Variants in LRRC69 observed in about 807,000 individuals in gnomAD.
LRRC69 encodes leucine-rich repeat-containing protein 69.
Under a neutral mutation model 37.8 loss-of-function variants are expected in LRRC69, and 42 were observed. The observed-to-expected ratio is 1.11, with a 90% CI of 0.87 to 1.44. LRRC69 has a LOEUF of 1.44. Among genes scored for constraint, LRRC69 ranks in the 40% most tolerant of loss-of-function variants. LRRC69 has a pLI of 0.00. For synonymous variants in LRRC69, 141 were observed against 143.1 expected (o/e 0.99, Z 0.11); for missense variants, 357 against 401.9 (o/e 0.89, Z 0.96).
intron 5 of LRRC69, among the ~76,000 whole-genome samples, chr8:91,175,838 G>T (rs1809215050): frequency 6.6e-6 from 1 of 150,734 alleles, no homozygotes; most frequent in Non-Finnish European, 1.5e-5. Flanking sequence ...GAGCAGGGGA[G>T]TGATATAATT....
At chr8:91,204,368 G>C (rs774461059) in intron 7 of LRRC69, among the ~76,000 whole-genome samples, 1 of 152,214 alleles carries the variant, frequency 6.6e-6, no homozygotes, top group Non-Finnish European at 1.5e-5. Flanking sequence ...GTGTAGTACA[G>C]CTAATAGTGA....
chr8:91,172,834 C>G (rs1809156643), intron 5 of LRRC69, among the ~76,000 whole-genome samples: 1 of 151,914 alleles, frequency 6.6e-6, no homozygotes, highest in South Asian at 2.1e-4. Context: ...CATCTATTAG[C>G]CTGAATGGTG....
intron 5 of LRRC69, among the ~76,000 whole-genome samples, chr8:91,147,269 C>CATATAAT (rs1554591780): frequency 6.9e-6 from 1 of 145,916 alleles, no homozygotes; most frequent in Admixed American, 6.9e-5. Flanking sequence ...TATATATAAA[C>CATATAAT]ATATATTATA....
At chr8:91,172,103 A>G (rs972318539) in intron 5 of LRRC69, among the ~76,000 whole-genome samples, 9 of 151,984 alleles carry the variant, frequency 5.9e-5, no homozygotes, top group Non-Finnish European at 7.4e-5. Flanking sequence ...ATTTTCCTAC[A>G]TCACTATTTC....
chr8:91,204,524 C>T (rs1809766385), intron 7 of LRRC69, among the ~76,000 whole-genome samples: 2 of 152,170 alleles, frequency 1.3e-5, no homozygotes, highest in South Asian at 4.1e-4. Context: ...TGTCAGTCTG[C>T]TTCTTGGACC....
At chr8:91,211,614 A>AT (rs1171825217) in intron 7 of LRRC69, among the ~76,000 whole-genome samples, 3,334 of 140,600 alleles carry the variant, frequency 0.024, 43 homozygotes, top group Middle Eastern at 0.071. Flanking sequence ...ATATATATAT[A>AT]TATTTTTTTT....
chr8:91,194,704 C>A (rs962188584), intron 6 of LRRC69, among the ~76,000 whole-genome samples: 5 of 152,142 alleles, frequency 3.3e-5, no homozygotes, highest in African/African-American at 1.2e-4. Flanking sequence ...TCCCCTTTAT[C>A]ATTTTTTATT....
chr8:91,197,920 C>T (rs1809645107), intron 6 of LRRC69, among the ~76,000 whole-genome samples: 2 of 152,078 alleles, frequency 1.3e-5, no homozygotes, highest in African/African-American at 2.4e-5. Context: ...GCTATCTATG[C>T]CTGTAATATG....
chr8:91,133,343 A>T, intron 4 of LRRC69, 38 bp downstream of exon 4: 2 of 1,415,372 alleles, frequency 1.4e-6, no homozygotes, highest in Non-Finnish European at 1.9e-6. Flanking sequence ...TTGCTGTTGG[A>T]GAAGAACTCA....
At chr8:91,187,724 A>T (rs1809428776) in intron 5 of LRRC69, among the ~76,000 whole-genome samples, 1 of 152,218 alleles carries the variant, frequency 6.6e-6, no homozygotes, top group Non-Finnish European at 1.5e-5. Flanking sequence ...TCTCTGCTTC[A>T]AACAGTTGAA....
chr8:91,177,830 A>G (rs1809258791), intron 5 of LRRC69, among the ~76,000 whole-genome samples: 1 of 149,844 alleles, frequency 6.7e-6, no homozygotes, highest in African/African-American at 2.5e-5. Flanking sequence ...ATTCTCTAAT[A>G]CTAAATGTTT....
chr8:91,215,420 T>C (rs1242434265), intron 7 of LRRC69, among the ~76,000 whole-genome samples: 2 of 152,186 alleles, frequency 1.3e-5, no homozygotes, highest in Non-Finnish European at 2.9e-5. Context: ...CCAATTATGT[T>C]GAATGATTTT....
Position 91,206,952 on chromosome 8 carries a change from G to A in LRRC69, c.933+6160G>A, listed in dbSNP as rs1459216827. 6 of 793,236 alleles carry A rather than the reference G, an allele frequency of 7.6e-6. No homozygotes were observed. In the Admixed American group the frequency reaches 2.5e-4, roughly 32 times the overall value. The allele number at this position is 793,236 out of a possible 1,614,324, so 49.1% of individuals were successfully genotyped here. ...AGAGAGTCTGGGCTATGTTTCCTAT[G>A]CTTTTCCAACCTAGTTATTCCCCAT... On this transcript the variant is annotated intron_variant, in intron 7 of 7. Transcript: ENST00000448384.
intron 7 of LRRC69, among the ~76,000 whole-genome samples, chr8:91,215,833 G>C (rs1436312066): frequency 6.6e-6 from 1 of 152,100 alleles, no homozygotes; most frequent in Non-Finnish European, 1.5e-5. Flanking sequence ...CTATAACAGG[G>C]AGTGTCTTAT....
In LRRC69 at chr8:91,198,425, T is replaced by C. The variant is rs761898276; in HGVS notation, c.754-2188T>C. Among the ~76,000 whole-genome samples the C allele has an allele frequency of 7.7e-4, 118 of 152,352 alleles. 1 individual carries two copies. Among genetic ancestry groups the C allele is most frequent in the Admixed American group, 2.0e-3 (30 of 15,306 alleles). On this transcript the variant is annotated intron_variant, in intron 6 of 7. Coordinates refer to ENST00000448384, the Ensembl canonical transcript of LRRC69. ...TCAGACTTTGAATTTTTGCTCTTGA[T>C]GCTACGTTTTAGTGCTTATCATACA...
chr8:91,199,765 T>C (rs923827485), intron 6 of LRRC69, among the ~76,000 whole-genome samples: 1 of 152,150 alleles, frequency 6.6e-6, no homozygotes, highest in Non-Finnish European at 1.5e-5. Flanking sequence ...ATGGAGAAAA[T>C]TTAATGGATT....
At chr8:91,163,432 G>A (rs896643245) in intron 5 of LRRC69, among the ~76,000 whole-genome samples, 2 of 151,070 alleles carry the variant, frequency 1.3e-5, no homozygotes, top group Admixed American at 6.6e-5. Context: ...ATGAATGACT[G>A]AATAGCTTTA....
intron 6 of LRRC69, among the ~76,000 whole-genome samples, chr8:91,192,775 A>T (rs1586277083): frequency 1.3e-5 from 2 of 149,978 alleles, no homozygotes; most frequent in Admixed American, 6.6e-5. Flanking sequence ...GGTTGCAAAA[A>T]TTTTCTCCCA....
intron 6 of LRRC69, among the ~76,000 whole-genome samples, chr8:91,200,040 A>G (rs1471395287): frequency 1.3e-5 from 2 of 152,186 alleles, no homozygotes; most frequent in African/African-American, 4.8e-5. Flanking sequence ...TCAGGTTCTC[A>G]GTGCAGCAAG....
Sources: gnomAD v4.1 joint callset for allele counts (sites outside exome capture counted in the v4.1 genomes callset) on GRCh38, gnomAD v4.1.1 for gene constraint, MANE v1.5 for transcripts, NCBI Gene and HGNC (gene_info 2026-07-23, HGNC 2026-07-21) for gene names.